The following ETV6 variants were observed in gnomAD, a reference collection of about 807,000 sequenced individuals.
The protein encoded by ETV6 is transcription factor ETV6.
In ETV6, 16 loss-of-function variants were observed where a neutral mutation model predicts 51.1. The observed-to-expected ratio is 0.31, with a 90% CI of 0.21 to 0.48. ETV6 has a LOEUF of 0.48. Ranked by LOEUF, ETV6 falls within the 20% of genes least tolerant of loss-of-function variation. The pLI, the probability that ETV6 is intolerant of heterozygous loss-of-function variation, is 0.99. For synonymous variants in ETV6, 240 were observed against 224.1 expected, an observed-to-expected ratio of 1.07 and a Z score of -0.64; for missense variants, 458 against 594.8, an observed-to-expected ratio of 0.77 and a Z score of 2.39.
chr12:11,818,898 C>A (rs1055284948), intron 2 of ETV6, among the ~76,000 whole-genome samples: 1 of 152,116 alleles, frequency 6.6e-6, no homozygotes, highest in Non-Finnish European at 1.5e-5. Flanking sequence ...GCTCCTCCCT[C>A]CTGGCCCTCA....
chr12:11,704,852 T>C (rs1865044086), intron 1 of ETV6, among the ~76,000 whole-genome samples: 1 of 152,094 alleles, frequency 6.6e-6, no homozygotes, highest in Non-Finnish European at 1.5e-5. Context: ...TAGAATATAG[T>C]TTTATTAAGC....
chr12:11,670,153 C>T (rs536692550), intron 1 of ETV6, among the ~76,000 whole-genome samples: 22 of 152,312 alleles, frequency 1.4e-4, no homozygotes, highest in African/African-American at 5.1e-4. Context: ...TATCAGTTTT[C>T]ATGGCCAAAA....
intron 1 of ETV6, among the ~76,000 whole-genome samples, chr12:11,652,020 A>G (rs1457309932): frequency 1.3e-5 from 2 of 152,172 alleles, no homozygotes; most frequent in Non-Finnish European, 2.9e-5. Context: ...TACAGAACCA[A>G]TCCCAAGCAA....
chr12:11,841,932 A>G (rs538336289), intron 3 of ETV6, among the ~76,000 whole-genome samples: 2 of 151,966 alleles, frequency 1.3e-5, no homozygotes, highest in East Asian at 1.9e-4. Context: ...AATACAAAAA[A>G]TTAGCCGGGC....
intron 2 of ETV6, among the ~76,000 whole-genome samples, chr12:11,755,792 TGC>T (rs1484354022): frequency 6.6e-6 from 1 of 152,190 alleles, no homozygotes; most frequent in Non-Finnish European, 1.5e-5. Flanking sequence ...TTTATGGTAT[TGC>T]TAAGTCCAAG....
chr12:11,879,086 A>C (rs537838952), intron 5 of ETV6, among the ~76,000 whole-genome samples: 1 of 152,280 alleles, frequency 6.6e-6, no homozygotes, highest in South Asian at 2.1e-4. Context: ...TGTAAAGCTT[A>C]GTAGCAACTT....
At chr12:11,881,006 T>A (rs192237610) in intron 5 of ETV6, among the ~76,000 whole-genome samples, 57 of 152,314 alleles carry the variant, frequency 3.7e-4, no homozygotes, top group Non-Finnish European at 4.9e-4. Flanking sequence ...GGGTTGATCA[T>A]GGCTCACTGC....
chr12:11,707,185 G>C (rs1025118667), intron 1 of ETV6, among the ~76,000 whole-genome samples: 2 of 152,180 alleles, frequency 1.3e-5, no homozygotes, highest in Non-Finnish European at 2.9e-5. Flanking sequence ...GCTGTGTAAA[G>C]GAGGCTAGAC....
chr12:11,864,981 G>A (rs563272947), intron 4 of ETV6, among the ~76,000 whole-genome samples: 4 of 152,300 alleles, frequency 2.6e-5, no homozygotes, highest in Admixed American at 6.5e-5. Context: ...GCTGGGCGCG[G>A]TGGCTCATGC....
chr12:11,728,791 A>G (rs1183356600), intron 1 of ETV6, among the ~76,000 whole-genome samples: 2 of 152,216 alleles, frequency 1.3e-5, no homozygotes, highest in Admixed American at 6.5e-5. Context: ...GAAACCATTT[A>G]CACTTTATTG....
chr12:11,684,676 G>A, intron 1 of ETV6, among the ~76,000 whole-genome samples: 1 of 152,022 alleles, frequency 6.6e-6, no homozygotes, highest in East Asian at 1.9e-4. Context: ...AATACTTCAG[G>A]TTGTGTCTTT....
chr12:11,728,638 TA>T (rs904034516), intron 1 of ETV6, among the ~76,000 whole-genome samples: 34 of 148,154 alleles, frequency 2.3e-4, no homozygotes, highest in East Asian at 1.2e-3. Context: ...GTCTATGCCT[TA>T]AAAAAAAAAG....
chr12:11,667,696 ATTTTTTTTTT>A (rs34458275), intron 1 of ETV6, among the ~76,000 whole-genome samples: 1 of 72,970 alleles, frequency 1.4e-5, no homozygotes, highest in African/African-American at 4.8e-5. Flanking sequence ...TACCTGGCTA[ATTTTTTTTTT>A]TTTTTTTTTT....
intron 2 of ETV6, among the ~76,000 whole-genome samples, chr12:11,809,680 G>T (rs1007013100): frequency 6.6e-6 from 1 of 152,032 alleles, no homozygotes; most frequent in African/African-American, 2.4e-5. Flanking sequence ...CGGCTGAGAG[G>T]GATCAATGTC....
chr12:11,883,064 A>G lies in ETV6; in HGVS notation c.1010-1381A>G, dbSNP rs140104736. ...TCACCAGCCATTCTGACAAGTGCCT[A>G]TAAAAAGTGGGCATTTCCAGAACCA... On this transcript the variant is annotated intron_variant, in intron 5 of 7. Coordinates refer to ENST00000396373, the MANE Select transcript of ETV6 (RefSeq NM_001987.5). Among the ~76,000 whole-genome samples the G allele has an allele frequency of 9.4e-4, 143 of 152,286 alleles. 1 individual carries two copies. The highest frequency in any genetic ancestry group is 1.8e-3 in the Non-Finnish European group (121 of 68,016).
chr12:11,797,714 G>T lies in ETV6; in HGVS notation c.164-41426G>T, dbSNP rs574455520. Among the ~76,000 whole-genome samples, 3 of 152,266 alleles carry T rather than the reference G, an allele frequency of 2.0e-5. No individual in the cohort carries two copies. In the East Asian group the frequency reaches 5.8e-4, roughly 29 times the overall value. On this transcript the variant is annotated intron_variant, in intron 2 of 7. Coordinates refer to ENST00000396373, the MANE Select transcript of ETV6 (RefSeq NM_001987.5). ...GAGCTGAACTTCAAAGTAAAGGAGGGTTAAGTAAGCCTAACTGGAAAGGTT... is the reference window on the plus strand; with the variant it reads ...GAGCTGAACTTCAAAGTAAAGGAGGTTTAAGTAAGCCTAACTGGAAAGGTT...
chr12:11,797,406 G>A (rs547568479), intron 2 of ETV6, among the ~76,000 whole-genome samples: 1 of 152,308 alleles, frequency 6.6e-6, no homozygotes, highest in East Asian at 1.9e-4. Context: ...GTTGGCAGTT[G>A]AGAGCTGGCA....
intron 1 of ETV6, among the ~76,000 whole-genome samples, chr12:11,722,233 G>A (rs1237145085): frequency 6.6e-6 from 1 of 152,196 alleles, no homozygotes; most frequent in Non-Finnish European, 1.5e-5. Flanking sequence ...AAAGTCGACT[G>A]GTTTGAGTTT....
chr12:11,802,747 A>G (rs1945768052), intron 2 of ETV6, among the ~76,000 whole-genome samples: 1 of 152,204 alleles, frequency 6.6e-6, no homozygotes, highest in South Asian at 2.1e-4. Flanking sequence ...AGCAAAGATA[A>G]TTACTCCTAA....
Sources: allele counts gnomAD v4.1 joint callset (sites outside exome capture counted in the v4.1 genomes callset), GRCh38; gene constraint gnomAD v4.1.1; transcripts MANE v1.5; gene names NCBI Gene and HGNC (gene_info 2026-07-23, HGNC 2026-07-21).